Variants in IGF2BP3 observed in about 807,000 individuals in gnomAD.
IGF2BP3 encodes the protein insulin-like growth factor 2 mRNA-binding protein 3.
Under a neutral mutation model 73.8 loss-of-function variants are expected in IGF2BP3, and 9 were observed. That is an observed-to-expected ratio of 0.12 (90% CI 0.07 to 0.21). IGF2BP3 has a LOEUF of 0.21. IGF2BP3 is among the 10% of genes least tolerant of loss of function. The pLI is 1.00. For missense variants in IGF2BP3, 542 were observed against 714.0 expected (o/e 0.76, Z 2.75); for synonymous variants, 258 against 256.7 (o/e 1.01, Z -0.05).
intron 3 of IGF2BP3, among the ~76,000 whole-genome samples, chr7:23,363,860 G>A (rs1022154721): frequency 5.3e-5 from 8 of 152,214 alleles, no homozygotes; most frequent in African/African-American, 1.9e-4. Flanking sequence ...GTTGATCACA[G>A]ACACATTTTA....
At chr7:23,372,471 C>A (rs1195885081) in intron 3 of IGF2BP3, among the ~76,000 whole-genome samples, 2 of 152,144 alleles carry the variant, frequency 1.3e-5, no homozygotes, top group Admixed American at 1.3e-4. Flanking sequence ...TTATACCTCA[C>A]CCTCCTCCCA....
At chr7:23,454,512 A>G (rs751258209) in intron 2 of IGF2BP3, among the ~76,000 whole-genome samples, 1 of 152,222 alleles carries the variant, frequency 6.6e-6, no homozygotes, top group African/African-American at 2.4e-5. Flanking sequence ...TAGTGAGACA[A>G]TATCACTTTA....
rs1044326050 is a variant in IGF2BP3 at position 23,470,378 on chromosome 7, G to A, written c.-268C>T. On this transcript the variant is annotated 5_prime_UTR_variant, in exon 1 of 15. Coordinates refer to ENST00000258729, the MANE Select transcript of IGF2BP3 (RefSeq NM_006547.3). ...CATCCACCAGTCTTCCTAAGTCTTA[G>A]GAGGAGGCGGGATTAGCAAGAGAAA... 4.0e-6 allele frequency: 1 copy of A among 247,196 alleles called. No individual in the cohort carries two copies. The highest frequency in any genetic ancestry group is 7.6e-6 in the Non-Finnish European group (1 of 130,846). The allele number at this position is 247,196 out of a possible 1,614,324, so 15.3% of individuals were successfully genotyped here. A position where few individuals can be genotyped will look rare whatever the true frequency, so the allele number is the denominator to read the frequency against.
chr7:23,405,460 A>C (rs773177492), intron 3 of IGF2BP3, among the ~76,000 whole-genome samples: 1 of 152,148 alleles, frequency 6.6e-6, no homozygotes, highest in Non-Finnish European at 1.5e-5. Flanking sequence ...GCAGCAAAAA[A>C]CTTTCAAGTT....
intron 2 of IGF2BP3, among the ~76,000 whole-genome samples, chr7:23,462,840 A>C (rs1014653523): frequency 6.6e-6 from 1 of 152,238 alleles, no homozygotes; most frequent in Non-Finnish European, 1.5e-5. Flanking sequence ...AATACTTGCC[A>C]AACAGCAATT....
At chr7:23,462,828 T>C (rs780233293) in intron 2 of IGF2BP3, among the ~76,000 whole-genome samples, 2 of 152,246 alleles carry the variant, frequency 1.3e-5, no homozygotes, top group Non-Finnish European at 2.9e-5. Flanking sequence ...TTACCAATAC[T>C]GAATACTTGC....
chr7:23,375,310 G>C (rs1028248644), intron 3 of IGF2BP3, among the ~76,000 whole-genome samples: 3 of 152,064 alleles, frequency 2.0e-5, no homozygotes, highest in African/African-American at 7.2e-5. Flanking sequence ...CTGCCACATG[G>C]AATTCAATAG....
At chr7:23,389,773 C>T (rs1462619851) in intron 3 of IGF2BP3, among the ~76,000 whole-genome samples, 9 of 150,506 alleles carry the variant, frequency 6.0e-5, no homozygotes, top group South Asian at 2.1e-4. Flanking sequence ...TCAGGAGGAT[C>T]CCTTGAGGTC....
At chr7:23,468,565 ACGGT>A in intron 1 of IGF2BP3, 23 bp from the exon 2 acceptor site, 7 of 1,613,502 alleles carry the variant, frequency 4.3e-6, no homozygotes, top group Non-Finnish European at 5.9e-6. Context: ...AAGAAGTGAG[ACGGT>A]CGGCCGAGTT....
chr7:23,393,628 T>C (rs182825869), intron 3 of IGF2BP3, among the ~76,000 whole-genome samples: 92 of 152,364 alleles, frequency 6.0e-4, no homozygotes, highest in Non-Finnish European at 1.0e-3. Flanking sequence ...ACCATTTGAA[T>C]GTGCTCTCTT....
At position 23,395,356 on chromosome 7, in the gene IGF2BP3, C is replaced by T. The variant is rs184923580; in HGVS notation, c.285+23420G>A. ...GATCCCTGCTAGTGAAGGGCCAACA[C>T]AGCTGGCACCAAGATTTCCATTTGC... On this transcript the variant is annotated intron_variant, in intron 3 of 14. Transcript: ENST00000258729. Among the ~76,000 whole-genome samples the T allele has an allele frequency of 1.6e-3, 245 of 152,214 alleles. 2 individuals carry two copies. The highest frequency in any genetic ancestry group is 5.1e-3 in the African/African-American group (211 of 41,528).
intron 10 of IGF2BP3, among the ~76,000 whole-genome samples, chr7:23,327,489 G>C (rs683684): frequency 0.065 from 9,893 of 151,934 alleles, 605 homozygotes; most frequent in African/African-American, 0.16. Flanking sequence ...CACCGTGTTA[G>C]CCAGGATGGT....
intron 2 of IGF2BP3, among the ~76,000 whole-genome samples, chr7:23,434,691 TC>T (rs1435532558): frequency 6.6e-6 from 1 of 152,188 alleles, no homozygotes; most frequent in African/African-American, 2.4e-5. Flanking sequence ...ATAACCCTTC[TC>T]CTAGCAGAAA....
At chr7:23,462,653 C>T (rs1264794824) in intron 2 of IGF2BP3, among the ~76,000 whole-genome samples, 1 of 152,156 alleles carries the variant, frequency 6.6e-6, no homozygotes, top group Admixed American at 6.5e-5. Context: ...TGAGCCACCT[C>T]GCCTGGCCCA....
chr7:23,313,760 T>C, intron 12 of IGF2BP3, 107 bp from the exon 13 acceptor site: 1 of 974,988 alleles, frequency 1.0e-6, no homozygotes, highest in Non-Finnish European at 1.5e-6. Flanking sequence ...TTTGCAGTGA[T>C]ACATCTACAT....
At chr7:23,318,533 T>C (rs1784052221) in intron 11 of IGF2BP3, among the ~76,000 whole-genome samples, 2 of 152,138 alleles carry the variant, frequency 1.3e-5, no homozygotes, top group Non-Finnish European at 1.5e-5. Context: ...CCAACCTTTA[T>C]TTTCCTTAAA....
chr7:23,330,674 C>A (rs928022669), intron 10 of IGF2BP3, among the ~76,000 whole-genome samples: 2 of 152,188 alleles, frequency 1.3e-5, no homozygotes, highest in African/African-American at 4.8e-5. Flanking sequence ...GAACTCCTGA[C>A]CTCAGGTGAT....
intron 9 of IGF2BP3, among the ~76,000 whole-genome samples, chr7:23,343,365 C>T (rs935060986): frequency 6.6e-6 from 1 of 152,184 alleles, no homozygotes; most frequent in African/African-American, 2.4e-5. Flanking sequence ...ATAAATGGTT[C>T]AGCTGTGATT....
chr7:23,314,701 C>G (rs903896837), intron 12 of IGF2BP3, among the ~76,000 whole-genome samples: 1 of 152,158 alleles, frequency 6.6e-6, no homozygotes, highest in African/African-American at 2.4e-5. Context: ...AGTTAGAAAC[C>G]TGCTGAGAAA....
Sources: allele counts gnomAD v4.1 joint callset (sites outside exome capture counted in the v4.1 genomes callset), GRCh38; gene constraint gnomAD v4.1.1; transcripts MANE v1.5; gene names NCBI Gene and HGNC (gene_info 2026-07-23, HGNC 2026-07-21).